The following NEURL4 variants were observed in gnomAD, a reference collection of about 807,000 sequenced individuals.
NEURL4 encodes neuralized E3 ubiquitin protein ligase 4, also known as neuralized-like protein 4.
In NEURL4, 45 loss-of-function variants were observed where a neutral mutation model predicts 148.0. That is an observed-to-expected ratio of 0.30 (90% confidence interval 0.24 to 0.39). The LOEUF (loss-of-function observed/expected upper bound fraction) is 0.39, where lower values mean the gene tolerates loss of function less well. Among genes scored for constraint, NEURL4 ranks in the 10% least tolerant of loss-of-function variants. NEURL4 has a pLI of 1.00. For synonymous variants in NEURL4, 854 were observed against 869.0 expected, an observed-to-expected ratio of 0.98 and a Z score of 0.30; for missense variants, 1,776 against 2,144.0, an observed-to-expected ratio of 0.83 and a Z score of 3.39.
rs773730980 is a variant in NEURL4 at position 7,318,656 on chromosome 17, G to A, written c.3703C>T (p.Pro1235Ser). 9 of 1,609,550 alleles carry A rather than the reference G, an allele frequency of 5.6e-6. No homozygotes were observed. In the African/African-American group the frequency reaches 1.2e-4, roughly 22 times the overall value. Residue 1235 changes from proline to serine, a missense_variant, in exon 23 of 29, where the codon CCC (proline) becomes TCC (serine). Transcript: ENST00000399464. This position sits in a 1 kb window ranked among gnomAD's most constrained non-coding sequence, Gnocchi z 4.3. ...CCTTCAGGGCACGTGTCCAGATTGG[G>A]CCCAAACTTCTCGCAGATCTGGGAG... Reference protein sequence around the residue: ...NGLKICEKFGPNLDTCPEGTI... With the variant: ...NGLKICEKFGSNLDTCPEGTI...
At position 7,329,229 on chromosome 17, in the gene NEURL4, G is replaced by A. The variant is rs1363758289; in HGVS notation, c.84C>T (p.Ser28=). Reference sequence around the variant, plus strand: ...CCCCGTTGGACCCCGGTCCTGAGCCGCTCCCGCTGGGGCCCCCACCCCCGC... The same window carrying A: ...CCCCGTTGGACCCCGGTCCTGAGCCACTCCCGCTGGGGCCCCCACCCCCGC... ...GPGGGGGPSG[S]GSGPGSNGGL... The change falls in exon 1 of 29, where the codon AGC becomes AGT. Residue 28 remains serine (S), a synonymous_variant. Coordinates refer to ENST00000399464, the MANE Select transcript of NEURL4 (RefSeq NM_032442.3). 4.6e-6 allele frequency: 7 copies of A among 1,515,938 alleles called. No homozygotes were observed. The highest frequency in any genetic ancestry group is 4.4e-6 in the Non-Finnish European group (5 of 1,138,708). The allele number at this position is 1,515,938 out of a possible 1,614,324, so 93.9% of individuals were successfully genotyped here.
In NEURL4 at chr17:7,329,094, C is replaced by T. The variant is rs200247655; in HGVS notation, c.219G>A (p.Gly73=). Residue 73 remains glycine, a synonymous_variant, in exon 1 of 29, where the codon GGG becomes GGA. Transcript: ENST00000399464. ...RQQPGQEFNH[G]LVLSREPLRD... Reference sequence around the variant, plus strand: ...GCAAGGGTTCTCGGCTCAACACCAGCCCGTGGTTAAACTCCTGGCCCGGCT... The same window carrying T: ...GCAAGGGTTCTCGGCTCAACACCAGTCCGTGGTTAAACTCCTGGCCCGGCT... 13,866 of 1,610,226 alleles carry T rather than the reference C, an allele frequency of 8.6e-3. 122 individuals carry two copies. Among genetic ancestry groups the T allele is most frequent in the Non-Finnish European group, 8.9e-3 (10,545 of 1,179,008 alleles).
In NEURL4 at chr17:7,319,119, A is replaced by T; in HGVS notation, c.3615T>A (p.Ala1205=). The change falls in exon 22 of 29, where the codon GCT becomes GCA. Residue 1205 remains alanine, a synonymous_variant. Coordinates refer to ENST00000399464, the MANE Select transcript of NEURL4 (RefSeq NM_032442.3). The part of the protein sequence containing the change: ...TCAPERLNFP[A]SACALKRAAW... ...CTGCCCGTTTGAGGGCACAGGCAGA[A>T]GCAGGGAAGTTGAGCCTCTCAGGCG... 6.2e-7 allele frequency: 1 copy of T among 1,614,170 alleles called. No homozygotes were observed. The highest frequency in any genetic ancestry group is 8.5e-7 in the Non-Finnish European group (1 of 1,180,020).
rs2073043272 is a variant in NEURL4 at position 7,322,190 on chromosome 17, C to T, written c.2726-180G>A. ...TGTATTTTGTTGAGGCAGAGTCTCGCTCTGTCACTCAGGCTGGAGTGCAGG... is the reference window on the plus strand; with the variant it reads ...TGTATTTTGTTGAGGCAGAGTCTCGTTCTGTCACTCAGGCTGGAGTGCAGG... On this transcript the variant is annotated intron_variant, in intron 16 of 28. Coordinates refer to ENST00000399464, the MANE Select transcript of NEURL4 (RefSeq NM_032442.3). This position sits in a 1 kb window ranked among gnomAD's most constrained non-coding sequence, Gnocchi z 5.5. Among the ~76,000 whole-genome samples, 1 of 152,142 alleles carries T rather than the reference C, an allele frequency of 6.6e-6. No homozygotes were observed. Among genetic ancestry groups the T allele is most frequent in the African/African-American group, 2.4e-5 (1 of 41,422 alleles).
chr17:7,323,376 T>A, intron 14 of NEURL4, 109 bp downstream of exon 14: 1 of 1,152,628 alleles, frequency 8.7e-7, no homozygotes, highest in South Asian at 1.3e-5. Context: ...GACAGGTAGA[T>A]CCCCTAGGTC....
In NEURL4 at chr17:7,318,817, C is replaced by T; in HGVS notation, c.3685-143G>A. ...CGAGGTTCTCCTCCCACTGCAGTTA[C>T]CTAGAGCCCCTCCCCTTCCCCAAAA... is the stretch of plus-strand genomic sequence containing the variant. On this transcript the variant is annotated intron_variant, in intron 22 of 28. Transcript: ENST00000399464. This position sits in a 1 kb window ranked among gnomAD's most constrained non-coding sequence, Gnocchi z 4.3. 1.0e-6 allele frequency: 1 copy of T among 996,064 alleles called. No individual in the cohort carries two copies. The highest frequency in any genetic ancestry group is 2.9e-5 in the Admixed American group (1 of 34,284). The allele number at this position is 996,064 out of a possible 1,614,324, so 61.7% of individuals were successfully genotyped here.
Position 7,316,252 on chromosome 17 carries a change from G to A in NEURL4, c.4560C>T (p.Tyr1520=), listed in dbSNP as rs1459362536. 35 of 1,613,866 alleles carry A rather than the reference G, an allele frequency of 2.2e-5. No homozygotes were observed. The highest frequency in any genetic ancestry group is 2.6e-5 in the Non-Finnish European group (31 of 1,179,966). The part of the protein sequence containing the change: ...AFQVCVRPGS[Y]TPGPPSAALG... The stretch of plus-strand genomic sequence containing the variant: ...GGGCAGCGGAAGGGGGTCCCGGGGT[G>A]TAGGAGCCAGGGCGCACACACACCT... Residue 1520 remains tyrosine (Y), a synonymous_variant, in exon 29 of 29, where the codon TAC becomes TAT. Transcript: ENST00000399464.
At chr17:7,325,144 T>TGGGGGGGGGGGGGGGGGG in intron 8 of NEURL4, 65 bp downstream of exon 8, 132 of 956,316 alleles carry the variant, frequency 1.4e-4, no homozygotes, top group Non-Finnish European at 1.7e-4. Context: ...TCCACTTCCT[T>TGGGGGGGGGGGGGGGGGG]GCCCCGCCCC....
Position 7,320,879 on chromosome 17 carries a change from C to T in NEURL4, c.3405G>A (p.Leu1135=). 1 of 1,614,128 alleles carries T rather than the reference C, an allele frequency of 6.2e-7. No homozygotes were observed. The highest frequency in any genetic ancestry group is 8.5e-7 in the Non-Finnish European group (1 of 1,180,028). ...VGIIPTTLEF[L]ENHGKNILLS... ...AAAGGATATTCTTCCCATGGTTCTCCAGGAACTCGAGGGTGGTGGGTATAA... is the reference window on the plus strand; with the variant it reads ...AAAGGATATTCTTCCCATGGTTCTCTAGGAACTCGAGGGTGGTGGGTATAA... The change falls in exon 21 of 29, where the codon CTG becomes CTA. Residue 1135 remains leucine, a synonymous_variant. Coordinates refer to ENST00000399464, the MANE Select transcript of NEURL4 (RefSeq NM_032442.3).
rs973951198 is a variant in NEURL4 at position 7,327,869 on chromosome 17, C to T, written c.298G>A (p.Gly100Ser). Residue 100 changes from glycine (G) to serine (S), a missense_variant, in exon 2 of 29, where the codon GGC becomes AGC. Coordinates refer to ENST00000399464, the MANE Select transcript of NEURL4 (RefSeq NM_032442.3). The surrounding 1 kb of genome is among the most constrained non-coding windows in gnomAD (Gnocchi z 6.6). ...GCTGTCACCCCAATCTCAATGGAGC[C>T]GCTCCAGGAGTTGACCTGGGATAGG... is the stretch of plus-strand genomic sequence containing the variant. ...RIDRKVNSWS[G>S]SIEIGVTALD... is the part of the protein sequence containing the mutation. 8 of 1,609,742 alleles carry T rather than the reference C, an allele frequency of 5.0e-6. No homozygotes were observed. Among genetic ancestry groups the T allele is most frequent in the Non-Finnish European group, 4.2e-6 (5 of 1,178,304 alleles).
At chr17:7,317,727 G>A in intron 26 of NEURL4, 61 bp downstream of exon 26, 1 of 1,599,884 alleles carries the variant, frequency 6.3e-7, no homozygotes, top group East Asian at 2.2e-5. Context: ...CACCCTCTTG[G>A]GATCCCCGTT....
Position 7,321,401 on chromosome 17 carries a change from T to C in NEURL4, c.3158A>G (p.Asp1053Gly), listed in dbSNP as rs1460555406. The change falls in exon 19 of 29, where the codon GAT becomes GGT. Residue 1053 changes from aspartate (D) to glycine (G), a missense_variant. Transcript: ENST00000399464. The surrounding 1 kb of genome is among the most constrained non-coding windows in gnomAD (Gnocchi z 6.3). ...GGCTGCAGGCCCCATATCCTCTCCA[T>C]CCACCAGGATGTGCATCGTGTCATC... Reference protein sequence around the residue: ...GADDTMHILVDGEDMGPAATG... With the variant: ...GADDTMHILVGGEDMGPAATG... 2 of 1,614,034 alleles carry C rather than the reference T, an allele frequency of 1.2e-6. No individual in the cohort carries two copies. The highest frequency in any genetic ancestry group is 1.7e-5 in the Admixed American group (1 of 60,004).
rs761035805 is a variant in NEURL4 at position 7,326,422 on chromosome 17, G to A, written c.1204+15C>T. ...ACACCAGGCCTGCACCCCCGCCCCT[G>A]CCCGGGGCTGGTACCTGACTGGAGG... On this transcript the variant is annotated intron_variant, in intron 5 of 28. Coordinates refer to ENST00000399464, the MANE Select transcript of NEURL4 (RefSeq NM_032442.3). The surrounding 1 kb of genome is among the most constrained non-coding windows in gnomAD (Gnocchi z 6.0). The A allele has an allele frequency of 1.2e-6, 2 of 1,613,752 alleles. No homozygotes were observed. Among genetic ancestry groups the A allele is most frequent in the Non-Finnish European group, 1.7e-6 (2 of 1,179,782 alleles).
chr17:7,321,834 G>A lies in NEURL4; in HGVS notation c.2871+31C>T, dbSNP rs758744314. 2.5e-6 allele frequency: 4 copies of A among 1,610,920 alleles called. No homozygotes were observed. Among genetic ancestry groups the A allele is most frequent in the East Asian group, 2.2e-5 (1 of 44,790 alleles). The stretch of plus-strand genomic sequence containing the variant: ...AGCTGGCCCTGTCGTGATGGGCCTC[G>A]CAGCCCCTCTGTCACATCACTACGG... On this transcript the variant is annotated intron_variant, in intron 17 of 28. Transcript: ENST00000399464. The surrounding 1 kb of genome is among the most constrained non-coding windows in gnomAD (Gnocchi z 6.3).
In NEURL4 at chr17:7,321,796, C is replaced by T. The variant is rs2073037814; in HGVS notation, c.2872-9G>A. ...AGCTCTTCCACTTTCACCTACGAGA[C>T]AGAGAAAACATAAGCTGGCCCTGTC... is the stretch of plus-strand genomic sequence containing the variant. On this transcript the variant is annotated splice_polypyrimidine_tract_variant and intron_variant, in intron 17 of 28. Coordinates refer to ENST00000399464, the MANE Select transcript of NEURL4 (RefSeq NM_032442.3). The surrounding 1 kb of genome is among the most constrained non-coding windows in gnomAD (Gnocchi z 6.3). 1 of 1,612,552 alleles carries T rather than the reference C, an allele frequency of 6.2e-7. No individual in the cohort carries two copies. The highest frequency in any genetic ancestry group is 8.5e-7 in the Non-Finnish European group (1 of 1,179,242).
chr17:7,329,288 C>T lies in NEURL4; in HGVS notation c.25G>A (p.Gly9Arg), dbSNP rs1240998415. 3 of 1,428,578 alleles carry T rather than the reference C, an allele frequency of 2.1e-6. No homozygotes were observed. The highest frequency in any genetic ancestry group is 2.9e-5 in the Admixed American group (1 of 34,224). 88.5% of individuals were successfully genotyped at this position (1,428,578 alleles called of 1,614,324 possible). Residue 9 changes from glycine to arginine, a missense_variant, in exon 1 of 29, where the codon GGG becomes AGG. Gly to Arg is a moderately radical substitution (Grantham distance 125, BLOSUM62 -2). Coordinates refer to ENST00000399464, the MANE Select transcript of NEURL4 (RefSeq NM_032442.3). Reference sequence around the variant, plus strand: ...GGTCCAGGGCCTCCCCCAGAGCCCCCACTCCCACCCGACCCTGCCGCCATC... The same window carrying T: ...GGTCCAGGGCCTCCCCCAGAGCCCCTACTCCCACCCGACCCTGCCGCCATC... The part of the protein sequence containing the change: MAAGSGGS[G>R]GSGGGPGPGP...
chr17:7,322,577 C>T lies in NEURL4; in HGVS notation c.2725+158G>A, dbSNP rs778527956. Among the ~76,000 whole-genome samples the T allele has an allele frequency of 1.3e-5, 2 of 152,160 alleles. No individual in the cohort carries two copies. Among genetic ancestry groups the T allele is most frequent in the Non-Finnish European group, 1.5e-5 (1 of 68,016 alleles). On this transcript the variant is annotated intron_variant, in intron 16 of 28. Transcript: ENST00000399464. This position sits in a 1 kb window ranked among gnomAD's most constrained non-coding sequence, Gnocchi z 5.5. ...GCTCTAAGTACCAGGTGTAACCTCC[C>T]CCTCACTGGCTGCTTGCCACCGTGG... is the stretch of plus-strand genomic sequence containing the variant.
intron 14 of NEURL4, 55 bp downstream of exon 14, chr17:7,323,430 G>C (rs1597635694): frequency 6.3e-7 from 1 of 1,582,042 alleles, no homozygotes; most frequent in Non-Finnish European, 8.7e-7. Flanking sequence ...TTGCTTCCCT[G>C]ATCCCAGCCA....
Position 7,325,719 on chromosome 17 carries a change from C to T in NEURL4, c.1294-6G>A, listed in dbSNP as rs1305265950. ...AGGCCAATGTGGTCACCCTCCTAAT[C>T]AAAGAAGACAAACAGTTTAGAGGAG... On this transcript the variant is annotated splice_polypyrimidine_tract_variant and splice_region_variant and intron_variant, in intron 6 of 28. Coordinates refer to ENST00000399464, the MANE Select transcript of NEURL4 (RefSeq NM_032442.3). The T allele has an allele frequency of 6.2e-7, 1 of 1,612,680 alleles. No individual in the cohort carries two copies. Among genetic ancestry groups the T allele is most frequent in the African/African-American group, 1.3e-5 (1 of 74,776 alleles).
Sources: allele counts gnomAD v4.1 joint callset (sites outside exome capture counted in the v4.1 genomes callset), GRCh38; gene constraint gnomAD v4.1.1; non-coding constraint Gnocchi (gnomAD v3.1); transcripts MANE v1.5; gene names NCBI Gene and HGNC (gene_info 2026-07-23, HGNC 2026-07-21).